The following CAMTA1 variants were observed in gnomAD, a reference collection of about 807,000 sequenced individuals.
CAMTA1 encodes the protein calmodulin binding transcription activator 1, also known as calmodulin-binding transcription activator 1.
CAMTA1 carries 27 observed loss-of-function variants against 170.9 expected under a neutral mutation model. That is an observed-to-expected ratio of 0.16 (90% confidence interval 0.12 to 0.22). The LOEUF is 0.22. CAMTA1 is among the 10% of genes least tolerant of loss of function. CAMTA1 has a pLI of 1.00. For missense variants in CAMTA1, 1,619 were observed against 2,217.2 expected (o/e 0.73, Z 5.42); for synonymous variants, 833 against 891.5 (o/e 0.93, Z 1.17).
At chr1:7,383,519 G>T (rs940144417) in intron 5 of CAMTA1, among the ~76,000 whole-genome samples, 2 of 152,164 alleles carry the variant, frequency 1.3e-5, no homozygotes, top group African/African-American at 4.8e-5. Context: ...GTAAAAATGG[G>T]CGTAGGATAT....
At chr1:6,802,342 G>A (rs182697232) in intron 1 of CAMTA1, among the ~76,000 whole-genome samples, 68 of 152,296 alleles carry the variant, frequency 4.5e-4, no homozygotes, top group Admixed American at 7.2e-4. Flanking sequence ...TCAAGACTGG[G>A]TATTGGACTG....
intron 5 of CAMTA1, among the ~76,000 whole-genome samples, chr1:7,327,406 C>CAAAA (rs34737058): frequency 4.6e-5 from 4 of 87,902 alleles, no homozygotes; most frequent in Admixed American, 1.2e-4. Flanking sequence ...GACTCCATCT[C>CAAAA]AAAAAAAAAA....
chr1:7,514,288 G>A (rs748870324), intron 6 of CAMTA1, among the ~76,000 whole-genome samples: 1 of 152,206 alleles, frequency 6.6e-6, no homozygotes, highest in Admixed American at 6.5e-5. Flanking sequence ...CACCCCAAGA[G>A]GAAACAAGCA....
intron 16 of CAMTA1, among the ~76,000 whole-genome samples, chr1:7,741,950 T>G (rs1189685389): frequency 6.6e-6 from 1 of 151,436 alleles, no homozygotes; most frequent in South Asian, 2.1e-4. Flanking sequence ...GGTTGTTTTT[T>G]TTTTTTTTTT....
chr1:7,246,592 C>T (rs1485343401), intron 4 of CAMTA1, among the ~76,000 whole-genome samples: 1 of 151,898 alleles, frequency 6.6e-6, no homozygotes, highest in African/African-American at 2.4e-5. Flanking sequence ...TGTGGTCTAG[C>T]CCACCTGTCA....
rs1437418627 is a variant in CAMTA1 at position 7,007,217 on chromosome 1, G to T, written c.235-84087G>T. ...CTGATCACATAGGATCTCACGTGGG[G>T]AGCATCGACCAGGAGAGGGGTCCAC... On this transcript the variant is annotated intron_variant, in intron 3 of 22. Transcript: ENST00000303635. The surrounding 1 kb of genome is among the most constrained non-coding windows in gnomAD (Gnocchi z 4.5). 6.6e-6 allele frequency among the ~76,000 whole-genome samples: 1 copy of T among 152,136 alleles called. No homozygotes were observed. Among genetic ancestry groups the T allele is most frequent in the African/African-American group, 2.4e-5 (1 of 41,426 alleles).
rs1433378726 is a variant in CAMTA1 at position 7,216,591 on chromosome 1, A to G, written c.303-32900A>G. ...AGTGTTGAGTTCTCGGCTCACTGCA[A>G]TCCCCGCTTCCTGGGTTCAAGCAAT... On this transcript the variant is annotated intron_variant, in intron 4 of 22. Transcript: ENST00000303635. This position sits in a 1 kb window ranked among gnomAD's most constrained non-coding sequence, Gnocchi z 4.0. Among the ~76,000 whole-genome samples the G allele has an allele frequency of 1.3e-5, 2 of 152,182 alleles. No homozygotes were observed. Among genetic ancestry groups the G allele is most frequent in the Admixed American group, 1.3e-4 (2 of 15,290 alleles).
intron 3 of CAMTA1, among the ~76,000 whole-genome samples, chr1:6,875,744 G>C (rs1016363329): frequency 1.3e-5 from 2 of 152,182 alleles, no homozygotes; most frequent in African/African-American, 4.8e-5. Flanking sequence ...TGCACATCCA[G>C]ATTCCTCTGT....
intron 5 of CAMTA1, among the ~76,000 whole-genome samples, chr1:7,343,284 G>T (rs2083972840): frequency 6.6e-6 from 1 of 152,154 alleles, no homozygotes; most frequent in Non-Finnish European, 1.5e-5. Flanking sequence ...TGAGTTTCCT[G>T]TGCCTCAGCT....
intron 3 of CAMTA1, among the ~76,000 whole-genome samples, chr1:7,027,145 AC>A (rs1288162758): frequency 6.6e-6 from 1 of 152,106 alleles, no homozygotes; most frequent in Non-Finnish European, 1.5e-5. Context: ...GGGTGGGAAA[AC>A]AGTTGAAGAA....
At chr1:7,380,075 G>A (rs2087166387) in intron 5 of CAMTA1, among the ~76,000 whole-genome samples, 1 of 152,160 alleles carries the variant, frequency 6.6e-6, no homozygotes, top group Non-Finnish European at 1.5e-5. Context: ...TAGAATTTGA[G>A]GAAATTATTA....
At chr1:7,434,768 T>G (rs749069888) in intron 5 of CAMTA1, among the ~76,000 whole-genome samples, 1 of 151,496 alleles carries the variant, frequency 6.6e-6, no homozygotes, top group African/African-American at 2.4e-5. Flanking sequence ...GAGCCGGGCA[T>G]GGTGGCTCAC....
At chr1:7,228,267 C>T (rs751439388) in intron 4 of CAMTA1, among the ~76,000 whole-genome samples, 1 of 152,208 alleles carries the variant, frequency 6.6e-6, no homozygotes, top group African/African-American at 2.4e-5. Flanking sequence ...CCTGTGATCA[C>T]GCAGCCCGTC....
Position 7,519,115 on chromosome 1 carries a change from A to G in CAMTA1, c.510+51214A>G, listed in dbSNP as rs1000288697. On this transcript the variant is annotated intron_variant, in intron 6 of 22. Coordinates refer to ENST00000303635, the MANE Select transcript of CAMTA1 (RefSeq NM_015215.4). ...TTAATATGCAATTAAAGTTGAGATC[A>G]TAAACAGGTGCTCTAATTAGAAGTC... Among the ~76,000 whole-genome samples, 10 of 152,116 alleles carry G rather than the reference A, an allele frequency of 6.6e-5. 1 individual carries two copies. Among genetic ancestry groups the G allele is most frequent in the African/African-American group, 2.4e-4 (10 of 41,322 alleles).
intron 3 of CAMTA1, among the ~76,000 whole-genome samples, chr1:6,845,396 C>T (rs1037510572): frequency 3.9e-5 from 6 of 152,176 alleles, no homozygotes; most frequent in South Asian, 4.1e-4. Flanking sequence ...TTTTACTTTT[C>T]GCTTTTTAAA....
intron 6 of CAMTA1, among the ~76,000 whole-genome samples, chr1:7,574,774 T>C (rs1054101219): frequency 6.6e-6 from 1 of 152,148 alleles, no homozygotes. Context: ...GGTGTCAGGC[T>C]GGCTGAGATG....
intron 4 of CAMTA1, among the ~76,000 whole-genome samples, chr1:7,229,794 A>G (rs1270080785): frequency 6.6e-6 from 1 of 152,118 alleles, no homozygotes; most frequent in Non-Finnish European, 1.5e-5. Context: ...CTCTGGTTAT[A>G]AAACAGTTGA....
intron 6 of CAMTA1, among the ~76,000 whole-genome samples, chr1:7,577,561 C>T (rs1576185934): frequency 6.6e-6 from 1 of 151,960 alleles, no homozygotes; most frequent in Admixed American, 6.6e-5. Flanking sequence ...CCCCTACAAC[C>T]CTTTTTTTTT....
At chr1:7,334,185 C>G (rs2083207502) in intron 5 of CAMTA1, among the ~76,000 whole-genome samples, 1 of 152,144 alleles carries the variant, frequency 6.6e-6, no homozygotes, top group African/African-American at 2.4e-5. Flanking sequence ...AAGTCTGTCA[C>G]ATGTAATGAG....
Sources: gnomAD v4.1 joint callset for allele counts (sites outside exome capture counted in the v4.1 genomes callset) on GRCh38, gnomAD v4.1.1 for gene constraint, Gnocchi (gnomAD v3.1) non-coding constraint, MANE v1.5 for transcripts, NCBI Gene and HGNC (gene_info 2026-07-23, HGNC 2026-07-21) for gene names.